ALPK1: variants seen among roughly 807,000 people sequenced by gnomAD.
ALPK1 encodes the protein alpha kinase 1.
A neutral mutation model predicts 120.6 loss-of-function variants in ALPK1; 110 were observed. The observed-to-expected ratio is 0.91, with a 90% confidence interval of 0.78 to 1.07. The LOEUF is 1.07. Ranked by LOEUF, ALPK1 falls within the 50% of genes least tolerant of loss-of-function variation. The pLI, the probability that ALPK1 is intolerant of heterozygous loss-of-function variation, is 0.00. For synonymous variants in ALPK1, 582 were observed against 560.3 expected (o/e 1.04, Z -0.55); for missense variants, 1,498 against 1,483.9 (o/e 1.01, Z -0.16).
Position 112,431,843 on chromosome 4 carries a change from G to C in ALPK1, c.2296G>C (p.Gly766Arg), listed in dbSNP as rs184830277. 5.0e-4 allele frequency: 812 copies of C among 1,614,062 alleles called. 10 individuals are homozygous for C. The South Asian group carries it at 8.2e-3, about 16-fold the overall frequency. Residue 766 changes from glycine (G) to arginine (R), a missense_variant, in exon 11 of 16, where the codon GGA becomes CGA. Physicochemically the swap from Gly to Arg is moderately radical, Grantham distance 125 (BLOSUM62 -2). Coordinates refer to ENST00000650871, the MANE Select transcript of ALPK1 (RefSeq NM_025144.4). ...DVKDRQGKEQ[G>R]EEISERGAGP... is the part of the protein sequence containing the mutation. Reference sequence around the variant, plus strand: ...CAAAGACAGGCAGGGGAAAGAGCAGGGAGAAGAAATTAGTGAAAGAGGCGC... The same window carrying C: ...CAAAGACAGGCAGGGGAAAGAGCAGCGAGAAGAAATTAGTGAAAGAGGCGC...
chr4:112,374,164 G>T (rs1025103703), intron 2 of ALPK1, among the ~76,000 whole-genome samples: 11 of 152,134 alleles, frequency 7.2e-5, no homozygotes. Flanking sequence ...CTTAAATCCC[G>T]CTGCTGCTTT....
chr4:112,325,578 G>A (rs1043132714), intron 2 of ALPK1, among the ~76,000 whole-genome samples: 20 of 152,112 alleles, frequency 1.3e-4, no homozygotes, highest in African/African-American at 4.3e-4. Context: ...CTCCTTCTCC[G>A]GACCACTGTG....
rs751831746 is a variant in ALPK1 at position 112,432,421 on chromosome 4, G to C, written c.2874G>C (p.Trp958Cys). 1.9e-6 allele frequency: 3 copies of C among 1,614,132 alleles called. No individual in the cohort carries two copies. Among genetic ancestry groups the C allele is most frequent in the Non-Finnish European group, 2.5e-6 (3 of 1,180,026 alleles). ...WSYLNSSGSS[W>C]VSLPGKMRKE... ...ATCTGAATTCCAGTGGGAGTTCTTG[G>C]GTTTCATTGCCGGGAAAGATGAGGA... The change falls in exon 11 of 16, where the codon TGG becomes TGC. Residue 958 changes from tryptophan to cysteine, a missense_variant. Physicochemically the swap from Trp to Cys is radical, Grantham distance 215. Coordinates refer to ENST00000650871, the MANE Select transcript of ALPK1 (RefSeq NM_025144.4).
chr4:112,352,014 T>A (rs1215997581), intron 2 of ALPK1, among the ~76,000 whole-genome samples: 1 of 152,160 alleles, frequency 6.6e-6, no homozygotes, highest in Admixed American at 6.5e-5. Context: ...TCCTATTCCC[T>A]CTAGAATTAC....
intron 4 of ALPK1, among the ~76,000 whole-genome samples, chr4:112,409,763 G>C (rs1465235206): frequency 3.3e-5 from 5 of 152,118 alleles, no homozygotes; most frequent in African/African-American, 1.2e-4. Context: ...AGTAGAGTGG[G>C]GAAAGTGATA....
chr4:112,357,263 C>T (rs1317526567), intron 2 of ALPK1: 10 of 1,346,584 alleles, frequency 7.4e-6, no homozygotes, highest in Middle Eastern at 2.5e-4. Flanking sequence ...TCTGGCAGGA[C>T]GTGCTGGGGT....
chr4:112,302,674 C>T (rs1727841501), intron 1 of ALPK1, among the ~76,000 whole-genome samples: 1 of 152,180 alleles, frequency 6.6e-6, no homozygotes, highest in African/African-American at 2.4e-5. Context: ...GAGGACGCTG[C>T]CTTCTCAGCC....
rs116427224 is a variant in ALPK1, at chr4:112,429,231, C to T, written c.878C>T (p.Pro293Leu). 2.4e-5 allele frequency: 38 copies of T among 1,612,450 alleles called. No homozygotes were observed. The highest frequency in any genetic ancestry group is 1.5e-4 in the South Asian group (14 of 91,068). The change falls in exon 10 of 16, where the codon CCG (proline) becomes CTG (leucine). Residue 293 changes from proline to leucine, a missense_variant. Coordinates refer to ENST00000650871, the MANE Select transcript of ALPK1 (RefSeq NM_025144.4). Reference sequence around the variant, plus strand: ...GCAGCTGCCTTCAGTGCCTATACGCCGCTCTTCGTGCTCACAGCTGTGGTA... The same window carrying T: ...GCAGCTGCCTTCAGTGCCTATACGCTGCTCTTCGTGCTCACAGCTGTGGTA... The part of the protein sequence containing the change: ...KLAAAFSAYT[P>L]LFVLTAVNIR...
chr4:112,360,845 T>C (rs1730882424), intron 2 of ALPK1, among the ~76,000 whole-genome samples: 1 of 152,244 alleles, frequency 6.6e-6, no homozygotes, highest in African/African-American at 2.4e-5. Context: ...TTGTTGTTTC[T>C]TTGAAGGTAA....
chr4:112,398,948 A>C (rs904711630), intron 4 of ALPK1, among the ~76,000 whole-genome samples: 3 of 152,248 alleles, frequency 2.0e-5, no homozygotes, highest in African/African-American at 7.2e-5. Context: ...ATGAGTCATC[A>C]CTACAGAAAC....
intron 12 of ALPK1, 147 bp from the exon 13 acceptor site, chr4:112,438,337 A>G: frequency 2.9e-6 from 2 of 700,444 alleles, no homozygotes; most frequent in South Asian, 2.6e-5. Flanking sequence ...GAATCTTGAG[A>G]TAAGTCAAAA....
At chr4:112,438,785 G>A in intron 13 of ALPK1, 139 bp downstream of exon 13, 1 of 920,386 alleles carries the variant, frequency 1.1e-6, no homozygotes, top group South Asian at 1.9e-5. Flanking sequence ...CTTTCCAAGA[G>A]AGAAAGAACC....
At chr4:112,375,556 C>T (rs903183428) in intron 2 of ALPK1, among the ~76,000 whole-genome samples, 1 of 152,180 alleles carries the variant, frequency 6.6e-6, no homozygotes, top group Non-Finnish European at 1.5e-5. Flanking sequence ...GCAGCTTCCT[C>T]ACCTCTCTCA....
At chr4:112,379,838 A>G (rs1731825548) in intron 3 of ALPK1, among the ~76,000 whole-genome samples, 1 of 152,246 alleles carries the variant, frequency 6.6e-6, no homozygotes, top group Non-Finnish European at 1.5e-5. Context: ...AACATAGTTA[A>G]GAGGCATATT....
intron 2 of ALPK1, among the ~76,000 whole-genome samples, chr4:112,323,300 A>G (rs970491813): frequency 1.3e-5 from 2 of 152,210 alleles, no homozygotes; most frequent in East Asian, 3.9e-4. Context: ...TTAAACTACA[A>G]ATCACAATCA....
At chr4:112,340,952 C>T (rs538114470) in intron 2 of ALPK1, among the ~76,000 whole-genome samples, 4 of 152,296 alleles carry the variant, frequency 2.6e-5, no homozygotes, top group South Asian at 2.1e-4. Flanking sequence ...AATTCACGCA[C>T]GTGGTTCCCA....
At chr4:112,329,711 AAAT>A (rs1729276729) in intron 2 of ALPK1, among the ~76,000 whole-genome samples, 1 of 152,220 alleles carries the variant, frequency 6.6e-6, no homozygotes. Flanking sequence ...AAGACAGTCC[AAAT>A]AAGAGCAGGA....
At chr4:112,400,111 C>T (rs1243269015) in intron 4 of ALPK1, among the ~76,000 whole-genome samples, 5 of 152,118 alleles carry the variant, frequency 3.3e-5, no homozygotes, top group South Asian at 2.1e-4. Context: ...TGGATATATA[C>T]CCAGTAATGG....
In ALPK1 at chr4:112,307,329, C is replaced by T. The variant is rs1728129549; in HGVS notation, c.-152-8472C>T. Among the ~76,000 whole-genome samples the T allele has an allele frequency of 2.0e-5, 3 of 152,046 alleles. No homozygotes were observed. The South Asian group carries it at 6.2e-4, about 32-fold the overall frequency. Reference sequence around the variant, plus strand: ...CTTTTTAACTTTCTGTCTCGTTGATCTGTCTAATGTTGACAGTGGGGTGTT... The same window carrying T: ...CTTTTTAACTTTCTGTCTCGTTGATTTGTCTAATGTTGACAGTGGGGTGTT... On this transcript the variant is annotated intron_variant, in intron 1 of 15. Coordinates refer to ENST00000650871, the MANE Select transcript of ALPK1 (RefSeq NM_025144.4).
Sources: gnomAD v4.1 joint callset for allele counts (sites outside exome capture counted in the v4.1 genomes callset) on GRCh38, gnomAD v4.1.1 for gene constraint, MANE v1.5 for transcripts, NCBI Gene and HGNC (gene_info 2026-07-23, HGNC 2026-07-21) for gene names.